PSMD14: variants seen among roughly 807,000 people sequenced by gnomAD.
The protein encoded by PSMD14 is proteasome 26S subunit, non-ATPase 14.
A neutral mutation model predicts 41.2 loss-of-function variants in PSMD14; 7 were observed. That is an observed-to-expected ratio of 0.17 (90% CI 0.10 to 0.32). The LOEUF (loss-of-function observed/expected upper bound fraction) is 0.32, where lower values mean the gene tolerates loss of function less well. Ranked by LOEUF, PSMD14 falls within the 10% of genes least tolerant of loss-of-function variation. The pLI, the probability that PSMD14 is intolerant of heterozygous loss-of-function variation, is 1.00. For missense variants in PSMD14, 139 were observed against 375.6 expected (o/e 0.37, Z 5.21); for synonymous variants, 114 against 122.3 (o/e 0.93, Z 0.45).
chr2:161,409,688 G>A (rs1426074272), intron 11 of PSMD14: 1 of 152,036 alleles, frequency 6.6e-6, no homozygotes, highest in African/African-American at 2.4e-5. Flanking sequence ...AGATAACTGA[G>A]GGAAGCGTGT....
At chr2:161,325,156 A>G (rs1682675164) in intron 3 of PSMD14, among the ~76,000 whole-genome samples, 1 of 152,160 alleles carries the variant, frequency 6.6e-6, no homozygotes, top group Non-Finnish European at 1.5e-5. Flanking sequence ...AGGGTATATA[A>G]TGCCTGTAAG....
In PSMD14 at chr2:161,345,186, T is replaced by C. The variant is rs530118299; in HGVS notation, c.49-22292T>C. On this transcript the variant is annotated intron_variant, in intron 3 of 11. Transcript: ENST00000409682. ...TGTTAAAGATCAATGGACTATTAAATGTTAAAATTTATTTCTGAAATTTCA... is the reference window on the plus strand; with the variant it reads ...TGTTAAAGATCAATGGACTATTAAACGTTAAAATTTATTTCTGAAATTTCA... 2.4e-4 allele frequency among the ~76,000 whole-genome samples: 36 copies of C among 151,496 alleles called. 1 individual carries two copies. The South Asian group carries it at 6.9e-3, about 29-fold the overall frequency.
chr2:161,400,730 G>C (rs1184440947), intron 10 of PSMD14, among the ~76,000 whole-genome samples: 1 of 151,894 alleles, frequency 6.6e-6, no homozygotes, highest in Non-Finnish European at 1.5e-5. Flanking sequence ...ATTTTTTGTA[G>C]AGATGGGGTT....
chr2:161,353,877 G>C (rs1683154513), intron 3 of PSMD14, among the ~76,000 whole-genome samples: 1 of 151,990 alleles, frequency 6.6e-6, no homozygotes, highest in South Asian at 2.1e-4. Context: ...TTTCATACAT[G>C]GCTTTGCATA....
chr2:161,330,485 G>A (rs1682772440), intron 3 of PSMD14, among the ~76,000 whole-genome samples: 1 of 152,116 alleles, frequency 6.6e-6, no homozygotes, highest in Non-Finnish European at 1.5e-5. Flanking sequence ...TTGGCACATT[G>A]ATCTTCGGGT....
chr2:161,315,874 A>C (rs1197276520), intron 1 of PSMD14, among the ~76,000 whole-genome samples: 13 of 125,354 alleles, frequency 1.0e-4, no homozygotes, highest in Non-Finnish European at 1.4e-4. Flanking sequence ...ACCGAGTTTC[A>C]CTCTTGTTGC....
intron 10 of PSMD14, among the ~76,000 whole-genome samples, chr2:161,397,663 A>T (rs994250278): frequency 6.6e-6 from 1 of 152,214 alleles, no homozygotes; most frequent in African/African-American, 2.4e-5. Context: ...GAGACAGTGT[A>T]TAAAATTTAC....
At chr2:161,392,377 T>C (rs1683724080) in intron 9 of PSMD14, among the ~76,000 whole-genome samples, 1 of 152,148 alleles carries the variant, frequency 6.6e-6, no homozygotes, top group African/African-American at 2.4e-5. Flanking sequence ...TAGCCCAAAC[T>C]GTTTCTCACC....
intron 8 of PSMD14, 147 bp from the exon 9 acceptor site, chr2:161,390,957 C>A: frequency 1.3e-6 from 1 of 789,292 alleles, no homozygotes; most frequent in South Asian, 4.3e-5. Context: ...AAGAAGAATA[C>A]TTTAATTTCA....
chr2:161,397,509 AATTAGAATGTGGG>A (rs1559054754), intron 10 of PSMD14, among the ~76,000 whole-genome samples: 1 of 152,172 alleles, frequency 6.6e-6, no homozygotes. Flanking sequence ...TTAAGGAAGC[AATTAGAATGTGGG>A]ACTAGGAATT....
chr2:161,346,720 A>G (rs1399683997), intron 3 of PSMD14, among the ~76,000 whole-genome samples: 1 of 150,942 alleles, frequency 6.6e-6, no homozygotes, highest in Non-Finnish European at 1.5e-5. Context: ...AGGAGTCATT[A>G]TTTTCTACTA....
intron 3 of PSMD14, among the ~76,000 whole-genome samples, chr2:161,337,695 G>A (rs1209209510): frequency 1.3e-5 from 2 of 152,220 alleles, no homozygotes; most frequent in African/African-American, 4.8e-5. Context: ...GCACATGACT[G>A]TGAACAGTAA....
intron 3 of PSMD14, among the ~76,000 whole-genome samples, chr2:161,350,835 C>T (rs3769964): frequency 0.068 from 10,356 of 151,620 alleles, 485 homozygotes; most frequent in East Asian, 0.18. Context: ...AGTTACTCTG[C>T]TGCCTAAGGC....
chr2:161,368,002 C>T, intron 5 of PSMD14, 99 bp downstream of exon 5: 2 of 1,309,870 alleles, frequency 1.5e-6, no homozygotes, highest in Non-Finnish European at 1.0e-6. Flanking sequence ...TTTTCTCTTT[C>T]CAGTAGGAAA....
chr2:161,315,537 G>T (rs1689137561), intron 1 of PSMD14, among the ~76,000 whole-genome samples: 1 of 152,210 alleles, frequency 6.6e-6, no homozygotes, highest in South Asian at 2.1e-4. Context: ...TGAAAGATGG[G>T]TCAGTGCTTT....
At position 161,381,646 on chromosome 2, in the gene PSMD14, A is replaced by G. The variant is rs188703559; in HGVS notation, c.463-3818A>G. The G allele has an allele frequency of 5.3e-5, 8 of 152,030 alleles. No homozygotes were observed. In the South Asian group the frequency reaches 8.3e-4, roughly 16 times the overall value. 9.4% of individuals were successfully genotyped at this position (152,030 alleles called of 1,614,324 possible). The stretch of plus-strand genomic sequence containing the variant: ...TATGAAAACACAAATTTTAAAATAA[A>G]TAGCATATTGGATGAACTGTATTCT... On this transcript the variant is annotated intron_variant, in intron 7 of 11. Transcript: ENST00000409682.
intron 3 of PSMD14, among the ~76,000 whole-genome samples, chr2:161,351,382 G>A (rs925883457): frequency 1.1e-4 from 17 of 152,226 alleles, no homozygotes; most frequent in Non-Finnish European, 2.2e-4. Flanking sequence ...TTCATGATTT[G>A]TCTCTGTCTA....
Position 161,399,146 on chromosome 2 carries a change from A to G in PSMD14, c.771+3943A>G, listed in dbSNP as rs976126287. 5.3e-5 allele frequency among the ~76,000 whole-genome samples: 8 copies of G among 152,304 alleles called. 1 individual carries two copies. In the South Asian group the frequency reaches 1.7e-3, roughly 32 times the overall value. On this transcript the variant is annotated intron_variant, in intron 10 of 11. Coordinates refer to ENST00000409682, the MANE Select transcript of PSMD14 (RefSeq NM_005805.6). ...ATAAGTGTGTATGACCTTTGTGAAGAAAATGAAAAACATTTGTAAATAAAT... is the reference window on the plus strand; with the variant it reads ...ATAAGTGTGTATGACCTTTGTGAAGGAAATGAAAAACATTTGTAAATAAAT...
intron 3 of PSMD14, among the ~76,000 whole-genome samples, chr2:161,355,067 T>G (rs982307133): frequency 1.3e-5 from 2 of 152,188 alleles, no homozygotes; most frequent in Non-Finnish European, 2.9e-5. Context: ...GAAAGGGATA[T>G]AGAGTATGGT....
Sources: allele counts gnomAD v4.1 joint callset (sites outside exome capture counted in the v4.1 genomes callset), GRCh38; gene constraint gnomAD v4.1.1; transcripts MANE v1.5; gene names NCBI Gene and HGNC (gene_info 2026-07-23, HGNC 2026-07-21).